The following TBCD variants were observed in gnomAD, a reference collection of about 807,000 sequenced individuals.
The protein encoded by TBCD is tubulin-specific chaperone D.
Under a neutral mutation model 169.3 loss-of-function variants are expected in TBCD, and 105 were observed. The observed-to-expected ratio is 0.62, with a 90% confidence interval of 0.53 to 0.73. The LOEUF is 0.73. Among genes scored for constraint, TBCD ranks in the 30% least tolerant of loss-of-function variants. The pLI, the probability that TBCD is intolerant of heterozygous loss-of-function variation, is 0.00. For synonymous variants in TBCD, 700 were observed against 643.9 expected, an observed-to-expected ratio of 1.09 and a Z score of -1.32; for missense variants, 1,444 against 1,600.1, an observed-to-expected ratio of 0.90 and a Z score of 1.66.
In TBCD at chr17:82,930,435, C is replaced by A. The variant is rs565073458; in HGVS notation, c.2992-87C>A. ...TGCAGCTCGGAGCAGTTCTGCTCTT[C>A]AGCAGATGCTTGACCGGCTGTAGCC... On this transcript the variant is annotated intron_variant, in intron 32 of 38. Transcript: ENST00000355528. This position sits in a 1 kb window ranked among gnomAD's most constrained non-coding sequence, Gnocchi z 5.2. The A allele has an allele frequency of 1.0e-4, 159 of 1,529,774 alleles. 2 individuals are homozygous for A. In the South Asian group the frequency reaches 1.7e-3, roughly 17 times the overall value. The allele number at this position is 1,529,774 out of a possible 1,614,324, so 94.8% of individuals were successfully genotyped here.
rs1286889140 is a variant in TBCD, at chr17:82,944,759, C to G, written c.*2296C>G. The G allele has an allele frequency of 6.6e-6, 1 of 152,176 alleles. No individual in the cohort carries two copies. The allele number at this position is 152,176 out of a possible 1,614,324, so 9.4% of individuals were successfully genotyped here. On this transcript the variant is annotated 3_prime_UTR_variant, in exon 39 of 39. Transcript: ENST00000355528. ...GAAACCCTCCATGTGAGAGCAGAGA[C>G]CTTGGAGATCCTGAGGGTTTCTGCT...
chr17:82,812,434 A>G (rs1206224135), intron 12 of TBCD, among the ~76,000 whole-genome samples: 1 of 151,932 alleles, frequency 6.6e-6, no homozygotes, highest in Non-Finnish European at 1.5e-5. Context: ...AGTCAAACCA[A>G]AGGGAAGAAG....
chr17:82,904,083 C>T (rs1296125866), intron 19 of TBCD, among the ~76,000 whole-genome samples: 3 of 109,070 alleles, frequency 2.8e-5, no homozygotes, highest in Non-Finnish European at 3.9e-5. Flanking sequence ...CTAGGTGGCT[C>T]GCACCTGCCA....
At chr17:82,861,672 T>G (rs1464921931) in intron 13 of TBCD, among the ~76,000 whole-genome samples, 1 of 152,160 alleles carries the variant, frequency 6.6e-6, no homozygotes, top group Non-Finnish European at 1.5e-5. Flanking sequence ...TCTAAAGATG[T>G]GGGAGTCTTT....
At chr17:82,834,734 G>C (rs1436231773) in intron 13 of TBCD, among the ~76,000 whole-genome samples, 1 of 152,050 alleles carries the variant, frequency 6.6e-6, no homozygotes, top group Non-Finnish European at 1.5e-5. Flanking sequence ...GGGGTCGGGG[G>C]GAGGGAGAGC....
At chr17:82,917,019 C>CTTTTTT (rs59331670) in intron 23 of TBCD, among the ~76,000 whole-genome samples, 1,949 of 108,208 alleles carry the variant, frequency 0.018, 39 homozygotes, top group Non-Finnish European at 0.021. Flanking sequence ...TTTTTCTTTT[C>CTTTTTT]TTTTCTTTTT....
chr17:82,753,053 G>A (rs931049482), intron 1 of TBCD, among the ~76,000 whole-genome samples: 1 of 152,194 alleles, frequency 6.6e-6, no homozygotes, highest in African/African-American at 2.4e-5. Flanking sequence ...TGTCTATAAT[G>A]GGTTATTTCC....
chr17:82,887,131 CTGTGTGTG>C lies in TBCD; in HGVS notation c.1534-2506_1534-2499del, dbSNP rs771003321. The stretch of plus-strand genomic sequence containing the variant: ...CTTCTTCCTTGGTTTTACCTGTACT[CTGTGTGTG>C]TGTGTGTGTGTGTGTGTGTGTGTGT... On this transcript the variant is annotated intron_variant, in intron 15 of 38. Transcript: ENST00000355528. 5.4e-4 allele frequency among the ~76,000 whole-genome samples: 67 copies of C among 123,444 alleles called. 1 individual carries two copies. Among genetic ancestry groups the C allele is most frequent in the East Asian group, 1.2e-3 (5 of 4,270 alleles). The allele number at this position is 123,444 out of a possible 152,430, so 81.0% of individuals were successfully genotyped here.
intron 2 of TBCD, among the ~76,000 whole-genome samples, chr17:82,756,573 T>C (rs2047415086): frequency 6.6e-6 from 1 of 152,124 alleles, no homozygotes; most frequent in Non-Finnish European, 1.5e-5. Context: ...TCCAGCTCCC[T>C]GGTTCAAGGG....
chr17:82,801,654 G>GCGT (rs2050550191), intron 9 of TBCD, among the ~76,000 whole-genome samples: 1 of 95,380 alleles, frequency 1.0e-5, no homozygotes, highest in Non-Finnish European at 2.3e-5. Context: ...GGCGGCGTGT[G>GCGT]CGTTGTGTGG....
chr17:82,877,026 C>T (rs1415494282), intron 14 of TBCD: 1 of 954,032 alleles, frequency 1.0e-6, no homozygotes, highest in African/African-American at 1.8e-5. Context: ...TTTTTCCATT[C>T]TTTCTTCATT....
chr17:82,820,591 T>C (rs1248753514), intron 13 of TBCD, among the ~76,000 whole-genome samples: 1 of 151,934 alleles, frequency 6.6e-6, no homozygotes, highest in Admixed American at 6.6e-5. Context: ...ACTCTTGTTA[T>C]GTTAATACAC....
chr17:82,803,163 A>G (rs2050698967), intron 9 of TBCD, among the ~76,000 whole-genome samples: 1 of 152,116 alleles, frequency 6.6e-6, no homozygotes, highest in Non-Finnish European at 1.5e-5. Flanking sequence ...TTTCTGGTTC[A>G]TCCCACTCCT....
chr17:82,900,764 T>A, intron 18 of TBCD, 33 bp downstream of exon 18: 1 of 1,523,508 alleles, frequency 6.6e-7, no homozygotes, highest in South Asian at 1.1e-5. Flanking sequence ...TCTAAGAGCT[T>A]TTTTTCCCCC....
At chr17:82,842,130 C>T (rs969808566) in intron 13 of TBCD, among the ~76,000 whole-genome samples, 117 of 152,216 alleles carry the variant, frequency 7.7e-4, no homozygotes, top group African/African-American at 2.7e-3. Context: ...CAGGTGTCTG[C>T]GCTACGACTC....
intron 14 of TBCD, among the ~76,000 whole-genome samples, chr17:82,881,406 C>G (rs370980841): frequency 1.3e-5 from 2 of 152,260 alleles, no homozygotes; most frequent in Non-Finnish European, 2.9e-5. Flanking sequence ...TCTGCAGCAT[C>G]CTGGGGAGGT....
chr17:82,768,812 A>G (rs1403923104), intron 5 of TBCD, among the ~76,000 whole-genome samples: 1 of 152,212 alleles, frequency 6.6e-6, no homozygotes, highest in Non-Finnish European at 1.5e-5. Flanking sequence ...ATCATGGCAG[A>G]TAAGGAAGGG....
chr17:82,848,996 GC>G (rs1274461655), intron 13 of TBCD, among the ~76,000 whole-genome samples: 3 of 18,564 alleles, frequency 1.6e-4, no homozygotes, highest in East Asian at 1.8e-3. Context: ...GTCCCCCTCT[GC>G]CTGCTGCGTC....
At chr17:82,758,755 G>C (rs569262264) in intron 2 of TBCD, among the ~76,000 whole-genome samples, 6 of 150,380 alleles carry the variant, frequency 4.0e-5, no homozygotes, top group Admixed American at 1.3e-4. Context: ...TGCCTCCAGG[G>C]TTCAAGCGAT....
Sources: gnomAD v4.1 joint callset for allele counts (sites outside exome capture counted in the v4.1 genomes callset) on GRCh38, gnomAD v4.1.1 for gene constraint, Gnocchi (gnomAD v3.1) non-coding constraint, MANE v1.5 for transcripts, NCBI Gene and HGNC (gene_info 2026-07-23, HGNC 2026-07-21) for gene names.